SLC2A9: variants seen among roughly 807,000 people sequenced by gnomAD.
SLC2A9 encodes the protein solute carrier family 2, facilitated glucose transporter member 9.
SLC2A9 carries 39 observed loss-of-function variants against 50.6 expected under a neutral mutation model. That is an observed-to-expected ratio of 0.77 (90% CI 0.60 to 1.01). The LOEUF is 1.01. SLC2A9 is among the 50% of genes least tolerant of loss of function. The pLI is 0.00. For missense variants in SLC2A9, 686 were observed against 677.6 expected (o/e 1.01, Z -0.14); for synonymous variants, 324 against 276.9 (o/e 1.17, Z -1.69).
intron 1 of SLC2A9, among the ~76,000 whole-genome samples, chr4:10,036,619 A>G (rs1455765052): frequency 6.6e-6 from 1 of 152,080 alleles, no homozygotes; most frequent in East Asian, 1.9e-4. Context: ...TTAACATTCT[A>G]TCTTTTACTC....
intron 5 of SLC2A9, among the ~76,000 whole-genome samples, chr4:9,956,744 G>T (rs533550113): frequency 7.2e-6 from 1 of 139,468 alleles, no homozygotes; most frequent in East Asian, 1.9e-4. Flanking sequence ...GGTGCCTTTT[G>T]TGTATTGGGT....
At chr4:9,835,100 C>A in intron 10 of SLC2A9, 92 bp from the exon 11 acceptor site, 1 of 1,580,740 alleles carries the variant, frequency 6.3e-7, no homozygotes, top group African/African-American at 1.3e-5. Flanking sequence ...TAGAACCCCC[C>A]CACCCCTGCC....
At chr4:10,025,627 C>G (rs1763724699), upstream of SLC2A9, 1 of 437,636 alleles carries the variant, frequency 2.3e-6, no homozygotes, top group East Asian at 3.9e-5. Context: ...TCAATGTCCC[C>G]TTGTTGAGAA....
chr4:9,944,824 A>G (rs1449934922), intron 5 of SLC2A9, among the ~76,000 whole-genome samples: 5 of 152,234 alleles, frequency 3.3e-5, no homozygotes, highest in African/African-American at 1.2e-4. Context: ...AGGAGAGATT[A>G]TTCCCCTCAC....
At chr4:9,948,978 C>T (rs1749708141) in intron 5 of SLC2A9, among the ~76,000 whole-genome samples, 1 of 152,196 alleles carries the variant, frequency 6.6e-6, no homozygotes, top group Non-Finnish European at 1.5e-5. Context: ...CTCCTAGGCC[C>T]ATCTGTGTAC....
chr4:10,026,047 T>A, upstream of SLC2A9: 1 of 1,453,952 alleles, frequency 6.9e-7, no homozygotes, highest in Middle Eastern at 1.7e-4. Context: ...GACAGCTGCT[T>A]TCTCAGATGT....
chr4:9,881,538 A>G (rs1002393447), intron 10 of SLC2A9, among the ~76,000 whole-genome samples: 24 of 152,224 alleles, frequency 1.6e-4, no homozygotes, highest in Admixed American at 1.6e-3. Flanking sequence ...GTTTAAAATA[A>G]AAAGTTAGAA....
At chr4:9,946,687 G>C (rs138325501) in intron 5 of SLC2A9, among the ~76,000 whole-genome samples, 3 of 152,164 alleles carry the variant, frequency 2.0e-5, no homozygotes, top group African/African-American at 7.2e-5. Flanking sequence ...TGGGCTCCAC[G>C]TGCCCAGCTC....
intron 1 of SLC2A9, among the ~76,000 whole-genome samples, chr4:10,037,448 T>A (rs1764143748): frequency 6.6e-6 from 1 of 152,204 alleles, no homozygotes; most frequent in East Asian, 1.9e-4. Context: ...CTCGACACAG[T>A]GCTCTTTACA....
chr4:9,846,083 G>C (rs959668319), intron 10 of SLC2A9, among the ~76,000 whole-genome samples: 9 of 152,210 alleles, frequency 5.9e-5, no homozygotes, highest in African/African-American at 2.2e-4. Flanking sequence ...TTGCGACCCA[G>C]AGTAGAGAGT....
At chr4:9,813,164 C>A (rs1723099477) in intron 3 of SLC2A9, among the ~76,000 whole-genome samples, 1 of 152,124 alleles carries the variant, frequency 6.6e-6, no homozygotes, top group South Asian at 2.1e-4. Flanking sequence ...CTATGTTCAG[C>A]CATATATGGA....
intron 4 of SLC2A9, 115 bp from the exon 5 acceptor site, chr4:9,980,852 C>A: frequency 7.3e-7 from 1 of 1,377,712 alleles, no homozygotes. Context: ...AGCACTGTAG[C>A]CACGGCATTT....
chr4:9,813,783 G>T (rs1723183960), intron 3 of SLC2A9, among the ~76,000 whole-genome samples: 2 of 151,940 alleles, frequency 1.3e-5, no homozygotes, highest in Admixed American at 1.3e-4. Context: ...TAGAGGCAAG[G>T]GTGCCTCAGC....
intron 3 of SLC2A9, among the ~76,000 whole-genome samples, chr4:9,810,187 C>A (rs768670662): frequency 9.2e-5 from 14 of 152,000 alleles, no homozygotes; most frequent in Non-Finnish European, 2.1e-4. Context: ...GTCTTCTTTA[C>A]CACCATATGT....
intron 8 of SLC2A9, among the ~76,000 whole-genome samples, chr4:9,897,247 A>G (rs1440616118): frequency 6.6e-6 from 1 of 152,134 alleles, no homozygotes; most frequent in African/African-American, 2.4e-5. Context: ...ATGCTCCCAA[A>G]GTTTTTCTCC....
At chr4:9,793,262 T>C (rs1351172034) in intron 3 of SLC2A9, among the ~76,000 whole-genome samples, 1 of 152,212 alleles carries the variant, frequency 6.6e-6, no homozygotes, top group Non-Finnish European at 1.5e-5. Context: ...CCACTCCCCA[T>C]ATTGTGCAGA....
intron 5 of SLC2A9, among the ~76,000 whole-genome samples, chr4:9,976,247 A>G (rs1221773281): frequency 1.3e-5 from 2 of 152,230 alleles, no homozygotes; most frequent in Non-Finnish European, 2.9e-5. Flanking sequence ...CTCTTAATTT[A>G]AAATAAAAGT....
rs372277553 is a variant in SLC2A9 at position 9,782,372 on chromosome 4, G to A, written n.386-2307C>T. On this transcript the variant is annotated intron_variant and non_coding_transcript_variant, in intron 3 of 3. Coordinates refer to the SLC2A9 transcript ENST00000503803. ...CTGGCCCTTTGGAGCGTTCTGCGACGTCTGGGTGGCCTTCGACATCATGTG... is the reference window on the plus strand; with the variant it reads ...CTGGCCCTTTGGAGCGTTCTGCGACATCTGGGTGGCCTTCGACATCATGTG... The A allele has an allele frequency of 9.3e-6, 15 of 1,614,050 alleles. No homozygotes were observed. Among genetic ancestry groups the A allele is most frequent in the East Asian group, 6.7e-5 (3 of 44,884 alleles).
Position 9,985,724 on chromosome 4 carries a change from C to T in SLC2A9, c.480G>A (p.Gln160=), listed in dbSNP as rs1264031673. ...CGATGAGCATTTCAAAGGCTCCTGC[C>T]TGGAGCGAGCAGGCCATCAGCAATG... is the stretch of plus-strand genomic sequence containing the variant. ...SAALLMACSL[Q]AGAFEMLIVG... is the part of the protein sequence containing the mutation. Residue 160 remains glutamine, a synonymous_variant, in exon 4 of 12, where the codon CAG becomes CAA. Transcript: ENST00000264784. The T allele has an allele frequency of 4.3e-6, 7 of 1,613,930 alleles. No individual in the cohort carries two copies. Among genetic ancestry groups the T allele is most frequent in the African/African-American group, 2.7e-5 (2 of 74,944 alleles).
Sources: gnomAD v4.1 joint callset for allele counts (sites outside exome capture counted in the v4.1 genomes callset) on GRCh38, gnomAD v4.1.1 for gene constraint, MANE v1.5 for transcripts, NCBI Gene and HGNC (gene_info 2026-07-23, HGNC 2026-07-21) for gene names.